Variants in KATNIP observed in about 807,000 individuals in gnomAD.
KATNIP encodes katanin interacting protein.
A neutral mutation model predicts 174.0 loss-of-function variants in KATNIP; 126 were observed. The ratio of observed to expected loss-of-function variants is 0.72; its 90% CI spans 0.63 to 0.84. The LOEUF (loss-of-function observed/expected upper bound fraction) is 0.84, where lower values mean the gene tolerates loss of function less well. Ranked by LOEUF, KATNIP falls within the 40% of genes least tolerant of loss-of-function variation. The probability of loss-of-function intolerance (pLI) is 0.00; values close to 1 mark genes in which losing one functional copy is unlikely to be tolerated. For synonymous variants in KATNIP, 810 were observed against 835.7 expected (o/e 0.97, Z 0.53); for missense variants, 1,958 against 2,109.7 (o/e 0.93, Z 1.41).
intron 6 of KATNIP, among the ~76,000 whole-genome samples, chr16:27,662,748 TAATATCTTGC>T (rs2077565817): frequency 6.6e-6 from 1 of 152,230 alleles, no homozygotes. Flanking sequence ...AGAATAACTT[TAATATCTTGC>T]ATTTATAGCC....
At chr16:27,721,490 G>C in intron 13 of KATNIP, 68 bp from the exon 14 acceptor site, 1 of 1,588,748 alleles carries the variant, frequency 6.3e-7, no homozygotes, top group Non-Finnish European at 8.6e-7. Context: ...CCAAAGAGCC[G>C]CTGCCATTTT....
intron 1 of KATNIP, among the ~76,000 whole-genome samples, chr16:27,563,467 G>A (rs1352295763): frequency 1.3e-5 from 2 of 152,070 alleles, no homozygotes; most frequent in African/African-American, 4.8e-5. Flanking sequence ...GCAGTGAGCT[G>A]TGATCACACC....
intron 5 of KATNIP, among the ~76,000 whole-genome samples, chr16:27,648,007 C>A (rs1312696350): frequency 6.6e-6 from 1 of 152,098 alleles, no homozygotes; most frequent in Non-Finnish European, 1.5e-5. Flanking sequence ...TAAAGAATTT[C>A]CAACCGACTG....
intron 14 of KATNIP, among the ~76,000 whole-genome samples, chr16:27,731,538 C>A (rs1051934761): frequency 6.6e-6 from 1 of 152,160 alleles, no homozygotes; most frequent in African/African-American, 2.4e-5. Context: ...AACTGAGATA[C>A]AGAAAGGCAG....
rs1460940716 is a variant in KATNIP, at chr16:27,713,830, A to C, written c.1605+4910A>C. 1.3e-4 allele frequency among the ~76,000 whole-genome samples: 9 copies of C among 69,126 alleles called. No individual in the cohort carries two copies. In the South Asian group the frequency reaches 1.4e-3, roughly 10 times the overall value. 45.3% of individuals were successfully genotyped at this position (69,126 alleles called of 152,430 possible). A position where few individuals can be genotyped will look rare whatever the true frequency, so the allele number is the denominator to read the frequency against. On this transcript the variant is annotated intron_variant, in intron 13 of 27. Transcript: ENST00000261588. ...TATACATATATATATATATATATAT[A>C]TATATATATATATATATATATATAT...
At chr16:27,692,665 A>T (rs1011374827) in intron 8 of KATNIP, among the ~76,000 whole-genome samples, 2 of 152,048 alleles carry the variant, frequency 1.3e-5, no homozygotes, top group Non-Finnish European at 2.9e-5. Context: ...CCCCACTCAG[A>T]TATCCTCTTC....
At chr16:27,601,854 C>CA (rs2075537469) in intron 2 of KATNIP, among the ~76,000 whole-genome samples, 1 of 152,172 alleles carries the variant, frequency 6.6e-6, no homozygotes, top group African/African-American at 2.4e-5. Flanking sequence ...ATCATCTACT[C>CA]AGACAGCCCT....
intron 5 of KATNIP, 89 bp downstream of exon 5, chr16:27,631,251 C>T: frequency 9.6e-7 from 1 of 1,039,632 alleles, no homozygotes; most frequent in African/African-American, 1.6e-5. Flanking sequence ...ATTTAAAACC[C>T]CCATGGGCCA....
At chr16:27,698,560 C>A in intron 9 of KATNIP, 60 bp downstream of exon 9, 1 of 1,493,580 alleles carries the variant, frequency 6.7e-7, no homozygotes, top group South Asian at 1.3e-5. Flanking sequence ...AGTGTCTGAG[C>A]TGCAGTTGAG....
At chr16:27,710,412 G>A (rs746912177) in intron 13 of KATNIP, among the ~76,000 whole-genome samples, 3 of 152,168 alleles carry the variant, frequency 2.0e-5, no homozygotes, top group Non-Finnish European at 4.4e-5. Flanking sequence ...GGAGGGTACT[G>A]GCATTTTTTC....
chr16:27,628,153 A>G (rs1283387109), intron 3 of KATNIP, among the ~76,000 whole-genome samples: 1 of 152,192 alleles, frequency 6.6e-6, no homozygotes, highest in East Asian at 1.9e-4. Flanking sequence ...ACTGAAGCAA[A>G]ACGTTAGCCC....
Position 27,618,517 on chromosome 16 carries a change from C to A in KATNIP, c.140+16C>A, listed in dbSNP as rs146695542. ...AGAGGAACCGGTAAGAGAAGCCACT[C>A]GACGGCAGCCCTTGATATTAGCGAA... On this transcript the variant is annotated intron_variant, in intron 3 of 27. Coordinates refer to ENST00000261588, the MANE Select transcript of KATNIP (RefSeq NM_015202.5). 1 of 1,561,320 alleles carries A rather than the reference C, an allele frequency of 6.4e-7. No homozygotes were observed. Among genetic ancestry groups the A allele is most frequent in the South Asian group, 1.1e-5 (1 of 89,950 alleles).
intron 19 of KATNIP, among the ~76,000 whole-genome samples, chr16:27,763,390 T>C (rs1420697725): frequency 6.7e-6 from 1 of 148,252 alleles, no homozygotes. Flanking sequence ...AAGGATTGCT[T>C]GAGCCCAGGA....
At chr16:27,714,546 T>C (rs2143008882) in intron 13 of KATNIP, among the ~76,000 whole-genome samples, 1 of 152,246 alleles carries the variant, frequency 6.6e-6, no homozygotes, top group East Asian at 1.9e-4. Flanking sequence ...TTGAGAGGAT[T>C]AACACATTGG....
intron 14 of KATNIP, among the ~76,000 whole-genome samples, chr16:27,739,129 C>T (rs1253069631): frequency 6.6e-6 from 1 of 152,108 alleles, no homozygotes; most frequent in Non-Finnish European, 1.5e-5. Flanking sequence ...CTGGTAGAGA[C>T]CCTGGTGGCC....
rs761557943 is a variant in KATNIP, at chr16:27,740,100, T to C, written c.1803T>C (p.Asn601=). ...KLYVNRNLIF[N]GKLDKGDREA... The stretch of plus-strand genomic sequence containing the variant: ...ACGTCAACAGAAACCTCATCTTCAA[T>C]GGCAAGTTAGACAAAGGAGATAGGG... Residue 601 remains asparagine, a synonymous_variant, in exon 15 of 28, where the codon AAT becomes AAC. Transcript: ENST00000261588. 1.5e-5 allele frequency: 24 copies of C among 1,614,180 alleles called. No individual in the cohort carries two copies. Among genetic ancestry groups the C allele is most frequent in the Non-Finnish European group, 2.0e-5 (24 of 1,180,016 alleles).
In KATNIP at chr16:27,749,922, A is replaced by G; in HGVS notation, c.2962A>G (p.Arg988Gly). The G allele has an allele frequency of 6.2e-7, 1 of 1,614,212 alleles. No homozygotes were observed. The change falls in exon 16 of 28, where the codon AGA becomes GGA. Residue 988 changes from arginine (R) to glycine (G), a missense_variant. Arg to Gly is a moderately radical substitution (Grantham distance 125, BLOSUM62 -2). Coordinates refer to ENST00000261588, the MANE Select transcript of KATNIP (RefSeq NM_015202.5). ...TGACATCAAGTCTACCTGGGGGGAC[A>G]GACACTATGTCGGCCTCAACGGAAT... ...VIDIKSTWGDRHYVGLNGIEI... is the reference protein window; with the variant it reads ...VIDIKSTWGDGHYVGLNGIEI...
At chr16:27,680,461 T>C (rs1339525709) in intron 7 of KATNIP, among the ~76,000 whole-genome samples, 1 of 152,180 alleles carries the variant, frequency 6.6e-6, no homozygotes, top group East Asian at 1.9e-4. Context: ...GCCAGCACAG[T>C]TCGAGTGATA....
intron 2 of KATNIP, among the ~76,000 whole-genome samples, chr16:27,605,024 G>A (rs774130334): frequency 2.3e-4 from 35 of 152,150 alleles, no homozygotes; most frequent in Non-Finnish European, 4.1e-4. Flanking sequence ...TGCCTCCCAG[G>A]TTCAAGCAAT....
Sources: gnomAD v4.1 joint callset for allele counts (sites outside exome capture counted in the v4.1 genomes callset) on GRCh38, gnomAD v4.1.1 for gene constraint, MANE v1.5 for transcripts, NCBI Gene and HGNC (gene_info 2026-07-23, HGNC 2026-07-21) for gene names.